PLAA: variants seen among roughly 807,000 people sequenced by gnomAD.
PLAA encodes phospholipase A2 activating protein.
Under a neutral mutation model 84.1 loss-of-function variants are expected in PLAA, and 48 were observed. That is an observed-to-expected ratio of 0.57 (90% CI 0.45 to 0.73). The LOEUF is 0.73. Ranked by LOEUF, PLAA falls within the 30% of genes least tolerant of loss-of-function variation. PLAA has a pLI of 0.00. For missense variants in PLAA, 903 were observed against 954.7 expected (o/e 0.95, Z 0.71); for synonymous variants, 392 against 336.6 (o/e 1.16, Z -1.80).
intron 11 of PLAA, among the ~76,000 whole-genome samples, chr9:26,910,915 T>C (rs1824379230): frequency 6.6e-6 from 1 of 152,204 alleles, no homozygotes; most frequent in Non-Finnish European, 1.5e-5. Flanking sequence ...TAAGGCATGC[T>C]GATCTCTCCT....
At chr9:26,939,393 A>C (rs1169219309) in intron 1 of PLAA, among the ~76,000 whole-genome samples, 1 of 151,862 alleles carries the variant, frequency 6.6e-6, no homozygotes, top group Non-Finnish European at 1.5e-5. Context: ...GTCTCAAAAA[A>C]AGATAAAAAT....
At chr9:26,942,944 AAGAG>A in intron 1 of PLAA, among the ~76,000 whole-genome samples, 1 of 151,724 alleles carries the variant, frequency 6.6e-6, no homozygotes, top group East Asian at 1.9e-4. Flanking sequence ...GGAAGGCAGA[AAGAG>A]AGCTAAATTC....
chr9:26,943,645 T>G (rs540044648), intron 1 of PLAA, among the ~76,000 whole-genome samples: 1 of 152,252 alleles, frequency 6.6e-6, no homozygotes, highest in Admixed American at 6.5e-5. Context: ...TTTCATTAAC[T>G]CTATTAATAT....
At chr9:26,916,548 C>T in intron 10 of PLAA, 1 of 987,042 alleles carries the variant, frequency 1.0e-6, no homozygotes, top group Non-Finnish European at 1.2e-6. Context: ...TGGAATGTCT[C>T]CTTCCATGTT....
rs746814731 is a variant in PLAA at position 26,917,115 on chromosome 9, T to C, written c.1468A>G (p.Thr490Ala). 1.2e-6 allele frequency: 2 copies of C among 1,613,846 alleles called. No homozygotes were observed. Among genetic ancestry groups the C allele is most frequent in the Non-Finnish European group, 1.7e-6 (2 of 1,179,758 alleles). The change falls in exon 10 of 14, where the codon ACA becomes GCA. Residue 490 changes from threonine (T) to alanine (A), a missense_variant. By Grantham distance (58) the Thr-to-Ala change is moderately conservative. Coordinates refer to ENST00000397292, the MANE Select transcript of PLAA (RefSeq NM_001031689.3). ...ATCCCACCTGTAAAAGGATCTGCTG[T>C]GGGTAGTGTGTTAGAAGATCCCGAA... ...GSSGSSNTLP[T>A]ADPFTGAGRY...
chr9:26,939,408 T>A (rs1446423331), intron 1 of PLAA, among the ~76,000 whole-genome samples: 1 of 94,128 alleles, frequency 1.1e-5, no homozygotes, highest in Non-Finnish European at 2.2e-5. Context: ...AAAAATAAAA[T>A]AAATAAATAA....
At chr9:26,914,540 A>G (rs997043852) in intron 10 of PLAA, among the ~76,000 whole-genome samples, 1 of 151,800 alleles carries the variant, frequency 6.6e-6, no homozygotes, top group Non-Finnish European at 1.5e-5. Flanking sequence ...AACCGGCGCA[A>G]AACATACAGA....
At chr9:26,929,041 T>C (rs1460486715) in intron 2 of PLAA, among the ~76,000 whole-genome samples, 1 of 150,974 alleles carries the variant, frequency 6.6e-6, no homozygotes, top group East Asian at 2.0e-4. Context: ...CTACTAAAAA[T>C]ACAAAAAAAT....
Position 26,926,409 on chromosome 9 carries a change from A to G in PLAA, c.717T>C (p.Val239=). 1.2e-6 allele frequency: 2 copies of G among 1,604,256 alleles called. No homozygotes were observed. Among genetic ancestry groups the G allele is most frequent in the Non-Finnish European group, 1.7e-6 (2 of 1,171,646 alleles). Residue 239 remains valine, a synonymous_variant, in exon 5 of 14, where the codon GTT becomes GTC. Transcript: ENST00000397292. ...GHTNYIYSIS[V]FPNCRDFVTT... ...TAATCTTACCTCTACAATTTGGAAA[A>G]ACGGATATGCTATAAATATAATTTG...
chr9:26,912,079 T>C (rs999246212), intron 11 of PLAA, among the ~76,000 whole-genome samples: 1 of 152,162 alleles, frequency 6.6e-6, no homozygotes, highest in African/African-American at 2.4e-5. Flanking sequence ...GATGGAAAAG[T>C]ACAGGATGCA....
At position 26,937,168 on chromosome 9, in the gene PLAA, T is replaced by G. The variant is rs528035262; in HGVS notation, c.150-1962A>C. On this transcript the variant is annotated intron_variant, in intron 1 of 13. Coordinates refer to ENST00000397292, the MANE Select transcript of PLAA (RefSeq NM_001031689.3). ...AAAAAAAGAAAAAAAAAGGCTGATG[T>G]CCATTCCCCTAACACCTTCATTTTC... Among the ~76,000 whole-genome samples, 12 of 152,042 alleles carry G rather than the reference T, an allele frequency of 7.9e-5. No individual in the cohort carries two copies. In the East Asian group the frequency reaches 1.9e-3, roughly 24 times the overall value.
intron 1 of PLAA, among the ~76,000 whole-genome samples, chr9:26,944,344 C>T (rs1825625655): frequency 6.6e-6 from 1 of 152,110 alleles, no homozygotes; most frequent in Non-Finnish European, 1.5e-5. Context: ...TACAGCAACA[C>T]AAAAGAGAAG....
At chr9:26,933,682 G>C (rs1024107195) in intron 2 of PLAA, among the ~76,000 whole-genome samples, 3 of 149,278 alleles carry the variant, frequency 2.0e-5, no homozygotes, top group African/African-American at 7.4e-5. Context: ...CCAGCTACTC[G>C]GCAGGCTGAG....
At chr9:26,913,574 T>G (rs1378107129) in intron 11 of PLAA, among the ~76,000 whole-genome samples, 2 of 152,152 alleles carry the variant, frequency 1.3e-5, no homozygotes, top group African/African-American at 4.8e-5. Flanking sequence ...TAGATGCATA[T>G]TAGAATCACA....
chr9:26,929,977 G>T (rs943356741), intron 2 of PLAA, among the ~76,000 whole-genome samples: 1 of 151,596 alleles, frequency 6.6e-6, no homozygotes, highest in African/African-American at 2.4e-5. Context: ...CAGACAAAAC[G>T]GTAGCTGACA....
chr9:26,908,868 C>G (rs899485075), intron 12 of PLAA, among the ~76,000 whole-genome samples: 3 of 152,132 alleles, frequency 2.0e-5, no homozygotes, highest in African/African-American at 7.2e-5. Flanking sequence ...TTTATAACAA[C>G]TTTTTAGCCA....
chr9:26,929,173 G>A (rs954545338), intron 2 of PLAA, among the ~76,000 whole-genome samples: 12 of 151,866 alleles, frequency 7.9e-5, no homozygotes, highest in Middle Eastern at 3.2e-3. Flanking sequence ...TGCACTTCAC[G>A]CCTGGGTGAC....
chr9:26,930,749 A>G (rs1362181780), intron 2 of PLAA, among the ~76,000 whole-genome samples: 1 of 151,488 alleles, frequency 6.6e-6, no homozygotes, highest in Non-Finnish European at 1.5e-5. Context: ...TGCCCGGCTA[A>G]TTTTTTTGTA....
chr9:26,906,133 T>A, intron 13 of PLAA, 57 bp from the exon 14 acceptor site: 2 of 1,155,808 alleles, frequency 1.7e-6, no homozygotes, highest in Non-Finnish European at 2.3e-6. Flanking sequence ...TTCTTTTGAC[T>A]ATCGACTTTG....
Sources: gnomAD v4.1 joint callset for allele counts (sites outside exome capture counted in the v4.1 genomes callset) on GRCh38, gnomAD v4.1.1 for gene constraint, MANE v1.5 for transcripts, NCBI Gene and HGNC (gene_info 2026-07-23, HGNC 2026-07-21) for gene names.